Variants in SLC7A14 observed in about 807,000 individuals in gnomAD.
SLC7A14 encodes solute carrier family 7 member 14, also known as gamma-aminobutyric acid transporter SLC7A14.
SLC7A14 carries 37 observed loss-of-function variants against 60.2 expected under a neutral mutation model. That is an observed-to-expected ratio of 0.61 (90% CI 0.47 to 0.81). The LOEUF is 0.81. SLC7A14 is among the 30% of genes least tolerant of loss of function. The probability of loss-of-function intolerance (pLI) is 0.00; values close to 1 mark genes in which losing one functional copy is unlikely to be tolerated. For missense variants in SLC7A14, 886 were observed against 982.7 expected (o/e 0.90, Z 1.32); for synonymous variants, 399 against 395.8 (o/e 1.01, Z -0.10).
intron 2 of SLC7A14, among the ~76,000 whole-genome samples, chr3:170,505,003 A>G (rs1415796093): frequency 6.6e-6 from 1 of 152,212 alleles, no homozygotes; most frequent in Non-Finnish European, 1.5e-5. Context: ...TGTATCATAT[A>G]TGACTGCTGA....
intron 1 of SLC7A14, among the ~76,000 whole-genome samples, chr3:170,574,506 G>T: frequency 6.6e-6 from 1 of 152,178 alleles, no homozygotes; most frequent in East Asian, 1.9e-4. Context: ...AATGATGGGA[G>T]CCATGGACTC....
Position 170,466,146 on chromosome 3 carries a change from T to G in SLC7A14, c.*909A>C, listed in dbSNP as rs1465061972. ...ATGAAAGAGAATTTGCAATGTGATC[T>G]CAGTGGCTGGCTCACTTCTCCTTGT... On this transcript the variant is annotated 3_prime_UTR_variant, in exon 8 of 8. Coordinates refer to ENST00000231706, the MANE Select transcript of SLC7A14 (RefSeq NM_020949.3). 1 of 152,232 alleles carries G rather than the reference T, an allele frequency of 6.6e-6. No individual in the cohort carries two copies. The allele number at this position is 152,232 out of a possible 1,614,324, so 9.4% of individuals were successfully genotyped here.
chr3:170,486,046 T>A (rs1238058751), intron 5 of SLC7A14, among the ~76,000 whole-genome samples, 176 bp downstream of exon 5: 1 of 152,172 alleles, frequency 6.6e-6, no homozygotes, highest in Non-Finnish European at 1.5e-5. Context: ...GGGCTTCTCC[T>A]CTTCTTCAGT....
At chr3:170,536,583 A>C (rs1048560225) in intron 1 of SLC7A14, among the ~76,000 whole-genome samples, 1 of 152,232 alleles carries the variant, frequency 6.6e-6, no homozygotes, top group Non-Finnish European at 1.5e-5. Flanking sequence ...AGAGCACACT[A>C]TCATACCATG....
At chr3:170,504,557 G>A (rs58609201) in intron 2 of SLC7A14, among the ~76,000 whole-genome samples, 3,290 of 152,150 alleles carry the variant, frequency 0.022, 124 homozygotes, top group African/African-American at 0.074. Flanking sequence ...CTGACCTCAA[G>A]TGATCCTCCT....
chr3:170,496,588 TGG>T, intron 4 of SLC7A14: 1 of 1,595,072 alleles, frequency 6.3e-7, no homozygotes, highest in Non-Finnish European at 8.6e-7. Context: ...GCCCTGGACA[TGG>T]AGATCGCCAC....
intron 2 of SLC7A14, among the ~76,000 whole-genome samples, chr3:170,514,623 C>A (rs1354125326): frequency 1.3e-5 from 2 of 152,168 alleles, no homozygotes; most frequent in Non-Finnish European, 2.9e-5. Context: ...GAAGAGAATT[C>A]TTCTTGGGCA....
intron 1 of SLC7A14, among the ~76,000 whole-genome samples, chr3:170,567,856 GT>G (rs1423394188): frequency 4.0e-5 from 6 of 148,972 alleles, no homozygotes; most frequent in Admixed American, 1.3e-4. Flanking sequence ...TGATGGGGTT[GT>G]TTTTTTTTTC....
rs1221450358 is a variant in SLC7A14, at chr3:170,498,726, A to C, written c.700T>G (p.Phe234Val). 1.9e-6 allele frequency: 3 copies of C among 1,614,218 alleles called. No homozygotes were observed. In the Admixed American group the frequency reaches 5.0e-5, roughly 27 times the overall value. ...GCCCAGTATTTCCCATTGATGAAGAAGAGGCCTGCGATCATGATGAACACC... is the reference window on the plus strand; with the variant it reads ...GCCCAGTATTTCCCATTGATGAAGACGAGGCCTGCGATCATGATGAACACC... The part of the protein sequence containing the change: ...VWVFIMIAGL[F>V]FINGKYWAEG... The change falls in exon 4 of 8, where the codon TTC (phenylalanine) becomes GTC (valine). Residue 234 changes from phenylalanine (F) to valine (V), a missense_variant. By Grantham distance (50) the Phe-to-Val change is conservative. Coordinates refer to ENST00000231706, the MANE Select transcript of SLC7A14 (RefSeq NM_020949.3).
chr3:170,505,878 A>G (rs1313150709), intron 2 of SLC7A14, among the ~76,000 whole-genome samples: 2 of 150,772 alleles, frequency 1.3e-5, no homozygotes, highest in Non-Finnish European at 3.0e-5. Context: ...ACAGAGCAAG[A>G]CTCTGTTTCA....
In SLC7A14 at chr3:170,557,603, G is replaced by A. The variant is rs145356003; in HGVS notation, c.-153+28308C>T. ...CCTAGTGTATAAGAGTGGAGACCTG[G>A]CATCCAAACCTTGGTTCAAATCGCA... On this transcript the variant is annotated intron_variant, in intron 1 of 7. Transcript: ENST00000231706. 6.0e-3 allele frequency among the ~76,000 whole-genome samples: 921 copies of A among 152,294 alleles called. 2 individuals are homozygous for A. Among genetic ancestry groups the A allele is most frequent in the Non-Finnish European group, 8.7e-3 (595 of 68,026 alleles).
rs1277375203 is a variant in SLC7A14 at position 170,464,557 on chromosome 3, T to A, written c.*2498A>T. The stretch of plus-strand genomic sequence containing the variant: ...AAATACTTTTTCTATCTTAGTGATT[T>A]TTTTTTTAAAACTAAGGTTGCTAGG... On this transcript the variant is annotated 3_prime_UTR_variant, in exon 8 of 8. Transcript: ENST00000231706. The A allele has an allele frequency of 6.6e-6, 1 of 152,184 alleles. No homozygotes were observed. Among genetic ancestry groups the A allele is most frequent in the Non-Finnish European group, 1.5e-5 (1 of 68,020 alleles). 9.4% of individuals were successfully genotyped at this position (152,184 alleles called of 1,614,324 possible). A position where few individuals can be genotyped will look rare whatever the true frequency, so the allele number is the denominator to read the frequency against.
chr3:170,508,197 T>C (rs1005690048), intron 2 of SLC7A14, among the ~76,000 whole-genome samples: 1 of 152,186 alleles, frequency 6.6e-6, no homozygotes, highest in South Asian at 2.1e-4. Context: ...GTGGGCCTTA[T>C]AGTATCATGG....
At chr3:170,574,549 A>G (rs1169166584) in intron 1 of SLC7A14, among the ~76,000 whole-genome samples, 2 of 152,168 alleles carry the variant, frequency 1.3e-5, no homozygotes, top group Non-Finnish European at 2.9e-5. Flanking sequence ...ACTGTTTCCT[A>G]TGGTGATCAC....
rs1446982629 is a variant in SLC7A14, at chr3:170,532,116, A to T, written c.-152-5028T>A. Among the ~76,000 whole-genome samples, 5 of 152,220 alleles carry T rather than the reference A, an allele frequency of 3.3e-5. No homozygotes were observed. The highest frequency in any genetic ancestry group is 7.3e-5 in the Non-Finnish European group (5 of 68,034). On this transcript the variant is annotated intron_variant, in intron 1 of 7. Transcript: ENST00000231706. This position sits in a 1 kb window ranked among gnomAD's most constrained non-coding sequence, Gnocchi z 4.0. ...AAAATCCCTCATGACACACTCGATG[A>T]GTAGTTGTCCAGCTTTTTCTGGAAC...
At chr3:170,576,290 A>G (rs958663510) in intron 1 of SLC7A14, among the ~76,000 whole-genome samples, 3 of 152,252 alleles carry the variant, frequency 2.0e-5, no homozygotes, top group African/African-American at 7.2e-5. Flanking sequence ...AGCTAGGCCC[A>G]TGCTTGTCAT....
intron 1 of SLC7A14, among the ~76,000 whole-genome samples, chr3:170,555,455 A>G (rs1252162901): frequency 6.6e-6 from 1 of 152,120 alleles, no homozygotes; most frequent in Non-Finnish European, 1.5e-5. Context: ...TATGATTTGA[A>G]TGGTTGTTCA....
At chr3:170,557,916 G>A (rs575481088) in intron 1 of SLC7A14, among the ~76,000 whole-genome samples, 2 of 152,282 alleles carry the variant, frequency 1.3e-5, no homozygotes, top group South Asian at 2.1e-4. Context: ...CGAATTAAAA[G>A]GCAAGGAAAG....
chr3:170,506,181 G>A (rs1307716538), intron 2 of SLC7A14, among the ~76,000 whole-genome samples: 1 of 152,200 alleles, frequency 6.6e-6, no homozygotes, highest in Non-Finnish European at 1.5e-5. Flanking sequence ...TTCCCTTAGT[G>A]TTGGTCAGAG....
Sources: allele counts gnomAD v4.1 joint callset (sites outside exome capture counted in the v4.1 genomes callset), GRCh38; gene constraint gnomAD v4.1.1; non-coding constraint Gnocchi (gnomAD v3.1); transcripts MANE v1.5; gene names NCBI Gene and HGNC (gene_info 2026-07-23, HGNC 2026-07-21).